DDX43: variants seen among roughly 807,000 people sequenced by gnomAD.
DDX43 encodes DEAD-box helicase 43, also known as probable ATP-dependent RNA helicase DDX43.
In DDX43, 50 loss-of-function variants were observed where a neutral mutation model predicts 84.9. That is an observed-to-expected ratio of 0.59 (90% CI 0.47 to 0.75). DDX43 has a LOEUF of 0.75. DDX43 is among the 30% of genes least tolerant of loss of function. The pLI is 0.00. For synonymous variants in DDX43, 291 were observed against 266.3 expected (o/e 1.09, Z -0.90); for missense variants, 689 against 798.6 (o/e 0.86, Z 1.65).
rs892207107 is a variant in DDX43, at chr6:73,401,859, A to T, written c.437A>T (p.Asp146Val). 1.2e-6 allele frequency: 2 copies of T among 1,612,322 alleles called. No homozygotes were observed. Among genetic ancestry groups the T allele is most frequent in the Admixed American group, 3.4e-5 (2 of 59,672 alleles). ...TAATCGATACAAATGTTTTTAACAG[A>T]TACTGCATTCCAACCTTCTGTTGGA... ...EENYNSECGI[D>V]TAFQPSVGKD... The change falls in exon 4 of 17, where the codon GAT (aspartate) becomes GTT (valine). Residue 146 changes from aspartate (D) to valine (V), a missense_variant and splice_region_variant. Physicochemically the swap from Asp to Val is radical, Grantham distance 152. Transcript: ENST00000370336.
In DDX43 at chr6:73,409,194, A is replaced by G. The variant is rs1243879961; in HGVS notation, c.1180-54A>G. Reference sequence around the variant, plus strand: ...TTCTACTAATAAAGAAAGCATATGTATTATTACCTGCCTCCCATATCTAAT... The same window carrying G: ...TTCTACTAATAAAGAAAGCATATGTGTTATTACCTGCCTCCCATATCTAAT... On this transcript the variant is annotated intron_variant, in intron 9 of 16. Coordinates refer to ENST00000370336, the MANE Select transcript of DDX43 (RefSeq NM_018665.3). 13 of 1,326,372 alleles carry G rather than the reference A, an allele frequency of 9.8e-6. No individual in the cohort carries two copies. In the East Asian group the frequency reaches 1.6e-4, roughly 16 times the overall value. The allele number at this position is 1,326,372 out of a possible 1,614,324, so 82.2% of individuals were successfully genotyped here.
Position 73,408,846 on chromosome 6 carries a change from A to T in DDX43, c.1180-402A>T, listed in dbSNP as rs992108443. Reference sequence around the variant, plus strand: ...GCTGGGATGACAGGCGTGACCCAACACGCCAGGCTATGGCTGTCGATTTTA... The same window carrying T: ...GCTGGGATGACAGGCGTGACCCAACTCGCCAGGCTATGGCTGTCGATTTTA... On this transcript the variant is annotated intron_variant, in intron 9 of 16. Coordinates refer to ENST00000370336, the MANE Select transcript of DDX43 (RefSeq NM_018665.3). Among the ~76,000 whole-genome samples the T allele has an allele frequency of 2.6e-5, 4 of 152,242 alleles. No individual in the cohort carries two copies. The South Asian group carries it at 8.3e-4, about 32-fold the overall frequency.
chr6:73,402,810 C>T (rs1297652606), intron 4 of DDX43, among the ~76,000 whole-genome samples: 1 of 152,046 alleles, frequency 6.6e-6, no homozygotes, highest in Non-Finnish European at 1.5e-5. Flanking sequence ...AACCCCTGGC[C>T]TCAAGTGATC....
At chr6:73,414,832 C>T in intron 14 of DDX43, 146 bp downstream of exon 14, 1 of 731,900 alleles carries the variant, frequency 1.4e-6, no homozygotes, top group Non-Finnish European at 2.2e-6. Flanking sequence ...TTATTTATCC[C>T]TGTTCATTTG....
intron 7 of DDX43, among the ~76,000 whole-genome samples, 159 bp downstream of exon 7, chr6:73,406,641 T>C (rs1488817610): frequency 6.6e-6 from 1 of 152,218 alleles, no homozygotes; most frequent in African/African-American, 2.4e-5. Flanking sequence ...CTGGTGAAAG[T>C]ATAAACTGGC....
Position 73,405,720 on chromosome 6 carries a change from G to A in DDX43, c.692G>A (p.Gly231Glu). 6.2e-7 allele frequency: 1 copy of A among 1,614,016 alleles called. No homozygotes were observed. ...ATAACGTGGGATGACTTGAAGGATG[G>A]GGAGAAACGACCTATCCCCAATCCT... ...FNITWDDLKD[G>E]EKRPIPNPTC... The change falls in exon 6 of 17, where the codon GGG (glycine) becomes GAG (glutamate). Residue 231 changes from glycine (G) to glutamate (E), a missense_variant. Gly to Glu is a moderately conservative substitution (Grantham distance 98, BLOSUM62 -2). This residue lies in a region of DDX43 where 552 missense variants were observed against 692.7 expected (regional missense o/e 0.80). Transcript: ENST00000370336.
rs9446901 is a variant in DDX43 at position 73,416,029 on chromosome 6, C to T, written c.1834-84C>T. The T allele has an allele frequency of 1.3e-3, 957 of 752,930 alleles. 7 individuals are homozygous for T. Among genetic ancestry groups the T allele is most frequent in the African/African-American group, 0.012 (724 of 58,198 alleles). The allele number at this position is 752,930 out of a possible 1,614,324, so 46.6% of individuals were successfully genotyped here. On this transcript the variant is annotated intron_variant, in intron 15 of 16. Transcript: ENST00000370336. ...AAAGGATGTCATGTAACCAGCTGTGCGATTATCTGAAATGATTTGGATGCA... is the reference window on the plus strand; with the variant it reads ...AAAGGATGTCATGTAACCAGCTGTGTGATTATCTGAAATGATTTGGATGCA...
Position 73,407,944 on chromosome 6 carries a change from A to C in DDX43, c.1038-16A>C. ...TCTGTGCCTAAACATTAACCTTTAG[A>C]TTTTTTCTTTTTAAGTGTTTGTGTA... On this transcript the variant is annotated splice_polypyrimidine_tract_variant and intron_variant, in intron 8 of 16. Transcript: ENST00000370336. The C allele has an allele frequency of 6.2e-7, 1 of 1,605,022 alleles. No individual in the cohort carries two copies. The highest frequency in any genetic ancestry group is 8.5e-7 in the Non-Finnish European group (1 of 1,175,436).
rs2150794534 is a variant in DDX43, at chr6:73,405,731, C to T, written c.703C>T (p.Pro235Ser). 1 of 1,614,022 alleles carries T rather than the reference C, an allele frequency of 6.2e-7. No individual in the cohort carries two copies. Among genetic ancestry groups the T allele is most frequent in the South Asian group, 1.1e-5 (1 of 91,070 alleles). Residue 235 changes from proline to serine, a missense_variant, in exon 6 of 17, where the codon CCT (proline) becomes TCT (serine). Pro to Ser is a moderately conservative substitution (Grantham distance 74). Around this residue, in one of 2 missense-constraint regions of DDX43, gnomAD observed 552 missense variants for 692.7 expected, o/e 0.80. Coordinates refer to ENST00000370336, the MANE Select transcript of DDX43 (RefSeq NM_018665.3). ...TGACTTGAAGGATGGGGAGAAACGA[C>T]CTATCCCCAATCCTACCTGCACATT... ...WDDLKDGEKR[P>S]IPNPTCTFDD...
At chr6:73,411,188 A>G (rs936049065) in intron 10 of DDX43, among the ~76,000 whole-genome samples, 1 of 150,926 alleles carries the variant, frequency 6.6e-6, no homozygotes, top group Non-Finnish European at 1.5e-5. Flanking sequence ...AAAAAAAAAA[A>G]AAAAAAAAAA....
At position 73,409,346 on chromosome 6, in the gene DDX43, C is replaced by G. The variant is rs758473495; in HGVS notation, c.1278C>G (p.Thr426=). Residue 426 remains threonine, a splice_region_variant and synonymous_variant, in exon 10 of 17, where the codon ACC becomes ACG. Coordinates refer to ENST00000370336, the MANE Select transcript of DDX43 (RefSeq NM_018665.3). ...GCCCAGATAGGCAGACAGTTATGACCAGGTACGTATATGCTTAATTACTGT... is the reference window on the plus strand; with the variant it reads ...GCCCAGATAGGCAGACAGTTATGACGAGGTACGTATATGCTTAATTACTGT... ...DVRPDRQTVM[T]SATWPHSVHR... 9 of 1,610,460 alleles carry G rather than the reference C, an allele frequency of 5.6e-6. No individual in the cohort carries two copies. Among genetic ancestry groups the G allele is most frequent in the Non-Finnish European group, 7.6e-6 (9 of 1,176,828 alleles).
chr6:73,405,561 C>CA, intron 5 of DDX43, 118 bp from the exon 6 acceptor site: 1 of 925,354 alleles, frequency 1.1e-6, no homozygotes, highest in Non-Finnish European at 1.6e-6. Flanking sequence ...ACTTCCCTGA[C>CA]AGTCTCATTT....
rs979563681 is a variant in DDX43, at chr6:73,413,821, T to C, written c.1496+36T>C. ...TTTCTTGTGTGTCCATTATAATTAA[T>C]TAAATTGATTAGGATCATTTCTATT... On this transcript the variant is annotated intron_variant, in intron 12 of 16. Coordinates refer to ENST00000370336, the MANE Select transcript of DDX43 (RefSeq NM_018665.3). 8 of 1,592,818 alleles carry C rather than the reference T, an allele frequency of 5.0e-6. No homozygotes were observed. The African/African-American group carries it at 6.8e-5, about 13-fold the overall frequency.
intron 14 of DDX43, among the ~76,000 whole-genome samples, chr6:73,415,058 G>T (rs577798267): frequency 6.6e-6 from 1 of 152,238 alleles, no homozygotes; most frequent in African/African-American, 2.4e-5. Flanking sequence ...AGCACTTTGG[G>T]AGGCCGAGGC....
At chr6:73,398,658 A>G (rs924216845) in intron 2 of DDX43, among the ~76,000 whole-genome samples, 5 of 152,176 alleles carry the variant, frequency 3.3e-5, no homozygotes. Flanking sequence ...TCACTGGAAT[A>G]TTCATCATGT....
At chr6:73,413,547 G>A in intron 11 of DDX43, 111 bp from the exon 12 acceptor site, 1 of 1,113,560 alleles carries the variant, frequency 9.0e-7, no homozygotes, top group South Asian at 1.9e-5. Context: ...TTGCTTAGCA[G>A]TTTATTAAAA....
intron 4 of DDX43, among the ~76,000 whole-genome samples, chr6:73,403,990 T>G (rs946093239): frequency 2.0e-5 from 3 of 152,106 alleles, no homozygotes; most frequent in African/African-American, 7.2e-5. Context: ...GCTAATTTTT[T>G]GTATTTTTAG....
intron 2 of DDX43, among the ~76,000 whole-genome samples, 188 bp from the exon 3 acceptor site, chr6:73,400,046 G>C (rs1220976190): frequency 6.6e-6 from 1 of 152,142 alleles, no homozygotes; most frequent in Non-Finnish European, 1.5e-5. Context: ...GTAAATCCCA[G>C]AGTAAATATA....
At chr6:73,401,307 C>CT (rs1769564057) in intron 3 of DDX43, among the ~76,000 whole-genome samples, 1 of 152,180 alleles carries the variant, frequency 6.6e-6, no homozygotes, top group African/African-American at 2.4e-5. Context: ...ATAATATCTG[C>CT]TTCCCAGGAC....
Sources: gnomAD v4.1 joint callset for allele counts (sites outside exome capture counted in the v4.1 genomes callset) on GRCh38, gnomAD v4.1.1 for gene constraint, gnomAD v4.1.1 regional missense constraint, MANE v1.5 for transcripts, NCBI Gene and HGNC (gene_info 2026-07-23, HGNC 2026-07-21) for gene names.